The following CD209 variants were observed in gnomAD, a reference collection of about 807,000 sequenced individuals.
CD209 encodes CD209 antigen.
CD209 carries 31 observed loss-of-function variants against 44.7 expected under a neutral mutation model. That is an observed-to-expected ratio of 0.69 (90% CI 0.52 to 0.94). The LOEUF is 0.94. CD209 is among the 40% of genes least tolerant of loss of function. The pLI is 0.00. For synonymous variants in CD209, 173 were observed against 181.3 expected (o/e 0.95, Z 0.37); for missense variants, 407 against 452.4 (o/e 0.90, Z 0.91).
intron 4 of CD209, 137 bp downstream of exon 4, chr19:7,745,381 A>C: frequency 6.7e-7 from 1 of 1,498,048 alleles, no homozygotes. Flanking sequence ...GTGAACACTG[A>C]GGGCAATGAT....
chr19:7,740,097 G>C lies in CD209; in HGVS notation c.*2942C>G, dbSNP rs11465425. On this transcript the variant is annotated 3_prime_UTR_variant, in exon 7 of 7. Coordinates refer to ENST00000315599, the MANE Select transcript of CD209 (RefSeq NM_021155.4). ...GAGGCTGGGGCAGATTTTATATACA[G>C]AGGGTAGTGAGGCATGATATGATTG... 3.1e-5 allele frequency: 5 copies of C among 159,472 alleles called. No homozygotes were observed. Among genetic ancestry groups the C allele is most frequent in the African/African-American group, 1.2e-4 (5 of 41,558 alleles). The allele number at this position is 159,472 out of a possible 1,614,324, so 9.9% of individuals were successfully genotyped here. A position where few individuals can be genotyped will look rare whatever the true frequency, so the allele number is the denominator to read the frequency against.
chr19:7,745,957 C>G lies in CD209; in HGVS notation c.309G>C (p.Glu103Asp), dbSNP rs769520149. ...EKSKLQEIYQELTQLKAAVGE... is the reference protein window; with the variant it reads ...EKSKLQEIYQDLTQLKAAVGE... The stretch of plus-strand genomic sequence containing the variant: ...CCACTGCAGCCTTCAGCTGGGTCAG[C>G]TCCTGGTAGATCTCCTGCAGCTTGG... Residue 103 changes from glutamate (E) to aspartate (D), a missense_variant, in exon 4 of 7, where the codon GAG (glutamate) becomes GAC (aspartate). Physicochemically the swap from Glu to Asp is conservative, Grantham distance 45. Around this residue, in one of 3 missense-constraint regions of CD209, gnomAD observed 85 missense variants for 139.9 expected, o/e 0.61. Transcript: ENST00000315599. 1 of 1,614,046 alleles carries G rather than the reference C, an allele frequency of 6.2e-7. No individual in the cohort carries two copies. Among genetic ancestry groups the G allele is most frequent in the Admixed American group, 1.7e-5 (1 of 60,002 alleles).
rs2033720952 is a variant in CD209 at position 7,744,197 on chromosome 19, G to T, written c.923C>A (p.Ser308Tyr). The T allele has an allele frequency of 1.2e-6, 2 of 1,613,888 alleles. No homozygotes were observed. Among genetic ancestry groups the T allele is most frequent in the Non-Finnish European group, 1.7e-6 (2 of 1,179,904 alleles). The change falls in exon 6 of 7, where the codon TCC becomes TAC. Residue 308 changes from serine (S) to tyrosine (Y), a missense_variant. Physicochemically the swap from Ser to Tyr is moderately radical, Grantham distance 144. Transcript: ENST00000315599. ...EEQNFLQLQS[S>Y]RSNRFTWMGL... ...CATCCAGGTGAAGCGGTTACTTCTG[G>T]AAGACTGCAGCTGTAGGAAGTTCTG...
At chr19:7,744,851 C>G in intron 5 of CD209, 90 bp downstream of exon 5, 4 of 1,537,250 alleles carry the variant, frequency 2.6e-6, no homozygotes, top group Non-Finnish European at 3.5e-6. Flanking sequence ...GAGCAAAACC[C>G]CTCTTCTGCA....
At chr19:7,743,903 C>G (rs2033705826) in intron 6 of CD209, among the ~76,000 whole-genome samples, 1 of 148,706 alleles carries the variant, frequency 6.7e-6, no homozygotes, top group African/African-American at 2.6e-5. Flanking sequence ...GTGGCAGGCT[C>G]CTCCTGCAGC....
chr19:7,741,733 A>G lies in CD209; in HGVS notation c.*1306T>C, dbSNP rs2033621923. 9.7e-6 allele frequency: 6 copies of G among 620,434 alleles called. No individual in the cohort carries two copies. The highest frequency in any genetic ancestry group is 6.1e-6 in the Non-Finnish European group (2 of 328,842). The allele number at this position is 620,434 out of a possible 1,614,324, so 38.4% of individuals were successfully genotyped here. On this transcript the variant is annotated 3_prime_UTR_variant, in exon 7 of 7. Transcript: ENST00000315599. ...TTTGTGGTTTATTTGAAATACAACA[A>G]TGTCCAAGAGGAAAACACTGCAACT...
In CD209 at chr19:7,746,025, G is replaced by C; in HGVS notation, c.241C>G (p.Leu81Val). The C allele has an allele frequency of 6.2e-7, 1 of 1,614,272 alleles. No homozygotes were observed. Among genetic ancestry groups the C allele is most frequent in the Non-Finnish European group, 8.5e-7 (1 of 1,180,052 alleles). Reference sequence around the variant, plus strand: ...CCCACTGCAGCTTTAAGCTGGGTCAGGTTCTGGTAGATCGCGTCTTGCCTG... The same window carrying C: ...CCCACTGCAGCTTTAAGCTGGGTCACGTTCTGGTAGATCGCGTCTTGCCTG... ...QSRQDAIYQN[L>V]TQLKAAVGEL... is the part of the protein sequence containing the mutation. The change falls in exon 4 of 7, where the codon CTG becomes GTG. Residue 81 changes from leucine to valine, a missense_variant. By Grantham distance (32) the Leu-to-Val change is conservative. Around this residue, in one of 3 missense-constraint regions of CD209, gnomAD observed 122 missense variants for 110.3 expected, o/e 1.11. Coordinates refer to ENST00000315599, the MANE Select transcript of CD209 (RefSeq NM_021155.4).
At position 7,741,213 on chromosome 19, in the gene CD209, T is replaced by G. The variant is rs564574231; in HGVS notation, c.*1826A>C. 3.2e-4 allele frequency: 217 copies of G among 668,196 alleles called. No individual in the cohort carries two copies. Among genetic ancestry groups the G allele is most frequent in the Non-Finnish European group, 4.5e-4 (182 of 403,158 alleles). 41.4% of individuals were successfully genotyped at this position (668,196 alleles called of 1,614,324 possible). On this transcript the variant is annotated 3_prime_UTR_variant, in exon 7 of 7. Transcript: ENST00000315599. ...GAGACTGGGCGCGGTGGCTCAGGCC[T>G]GTAATCCCAGCACTTTGGGAGGACG... is the stretch of plus-strand genomic sequence containing the variant.
rs1192364404 is a variant in CD209, at chr19:7,740,618, A to G, written c.*2421T>C. 3.8e-6 allele frequency: 3 copies of G among 797,566 alleles called. No individual in the cohort carries two copies. Among genetic ancestry groups the G allele is most frequent in the South Asian group, 1.3e-5 (1 of 74,452 alleles). The allele number at this position is 797,566 out of a possible 1,614,324, so 49.4% of individuals were successfully genotyped here. The stretch of plus-strand genomic sequence containing the variant: ...AGGAGGACACTTTTATTGAAAAACA[A>G]CAACTAGAAAAGCTATGGGGAAGAG... On this transcript the variant is annotated 3_prime_UTR_variant, in exon 7 of 7. Coordinates refer to ENST00000315599, the MANE Select transcript of CD209 (RefSeq NM_021155.4).
At position 7,746,090 on chromosome 19, in the gene CD209, G is replaced by C. The variant is rs763367047; in HGVS notation, c.179-3C>G. On this transcript the variant is annotated splice_polypyrimidine_tract_variant and splice_region_variant and intron_variant, in intron 3 of 6. Transcript: ENST00000315599. Reference sequence around the variant, plus strand: ...TATGGAGCTGGGGACCTTGGACACTGGGCCAAGAAAAAAAAGGAACTGCAA... The same window carrying C: ...TATGGAGCTGGGGACCTTGGACACTCGGCCAAGAAAAAAAAGGAACTGCAA... The C allele has an allele frequency of 5.0e-6, 8 of 1,612,810 alleles. No homozygotes were observed. In the East Asian group the frequency reaches 1.6e-4, roughly 31 times the overall value.
Position 7,740,574 on chromosome 19 carries a change from T to C in CD209, c.*2465A>G. 1.1e-6 allele frequency: 1 copy of C among 889,130 alleles called. No homozygotes were observed. The highest frequency in any genetic ancestry group is 1.9e-6 in the Non-Finnish European group (1 of 520,326). 55.1% of individuals were successfully genotyped at this position (889,130 alleles called of 1,614,324 possible). ...GCAGGAACTTGCTCCACTGAGGGAC[T>C]CAGGACTCTCACAGAAAGAGGAGGA... On this transcript the variant is annotated 3_prime_UTR_variant, in exon 7 of 7. Coordinates refer to ENST00000315599, the MANE Select transcript of CD209 (RefSeq NM_021155.4).
At position 7,741,734 on chromosome 19, in the gene CD209, T is replaced by C. The variant is rs190284057; in HGVS notation, c.*1305A>G. On this transcript the variant is annotated 3_prime_UTR_variant, in exon 7 of 7. Coordinates refer to ENST00000315599, the MANE Select transcript of CD209 (RefSeq NM_021155.4). ...TTGTGGTTTATTTGAAATACAACAA[T>C]GTCCAAGAGGAAAACACTGCAACTT... 73 of 614,624 alleles carry C rather than the reference T, an allele frequency of 1.2e-4. No individual in the cohort carries two copies. The Admixed American group carries it at 1.5e-3, about 12-fold the overall frequency. 38.1% of individuals were successfully genotyped at this position (614,624 alleles called of 1,614,324 possible). A position where few individuals can be genotyped will look rare whatever the true frequency, so the allele number is the denominator to read the frequency against.
At chr19:7,743,302 C>T in intron 6 of CD209, 62 bp from the exon 7 acceptor site, 6 of 1,429,204 alleles carry the variant, frequency 4.2e-6, no homozygotes, top group Non-Finnish European at 5.9e-6. Context: ...TGTGTTTCTA[C>T]CTTCTGTCAT....
In CD209 at chr19:7,744,876, C is replaced by T. The variant is rs1478740967; in HGVS notation, c.900+65G>A. 5 of 1,590,364 alleles carry T rather than the reference C, an allele frequency of 3.1e-6. No homozygotes were observed. In the South Asian group the frequency reaches 3.4e-5, roughly 11 times the overall value. On this transcript the variant is annotated intron_variant, in intron 5 of 6. Coordinates refer to ENST00000315599, the MANE Select transcript of CD209 (RefSeq NM_021155.4). Reference sequence around the variant, plus strand: ...CCTCTTCTGCAAAGTCATCTCTGAGCACCTCCTCCCCAGTTGGCCAGAAGC... The same window carrying T: ...CCTCTTCTGCAAAGTCATCTCTGAGTACCTCCTCCCCAGTTGGCCAGAAGC...
intron 6 of CD209, 28 bp from the exon 7 acceptor site, chr19:7,743,268 T>A (rs568970102): frequency 7.1e-5 from 113 of 1,589,970 alleles, no homozygotes; most frequent in Non-Finnish European, 9.0e-5. Context: ...AATGTGAGCC[T>A]CTGTCCCCGC....
intron 1 of CD209, 49 bp downstream of exon 1, chr19:7,747,417 G>A (rs1298525678): frequency 1.9e-6 from 3 of 1,614,206 alleles, no homozygotes; most frequent in Non-Finnish European, 2.5e-6. Context: ...GCCATGGCTG[G>A]CCATCCCTTC....
At position 7,742,989 on chromosome 19, in the gene CD209, G is replaced by A. The variant is rs528884293; in HGVS notation, c.*50C>T. The A allele has an allele frequency of 4.1e-5, 57 of 1,403,144 alleles. No individual in the cohort carries two copies. Among genetic ancestry groups the A allele is most frequent in the Non-Finnish European group, 5.4e-5 (53 of 990,646 alleles). 86.9% of individuals were successfully genotyped at this position (1,403,144 alleles called of 1,614,324 possible). A position where few individuals can be genotyped will look rare whatever the true frequency, so the allele number is the denominator to read the frequency against. Reference sequence around the variant, plus strand: ...GAACAGTCCCAGAGATTTTGTGAAGGTCGAAGGATGGAGAGAAGGAACTGT... The same window carrying A: ...GAACAGTCCCAGAGATTTTGTGAAGATCGAAGGATGGAGAGAAGGAACTGT... On this transcript the variant is annotated 3_prime_UTR_variant, in exon 7 of 7. Coordinates refer to ENST00000315599, the MANE Select transcript of CD209 (RefSeq NM_021155.4).
chr19:7,742,136 TC>T lies in CD209; in HGVS notation c.*902del. 4.4e-6 allele frequency: 1 copy of T among 226,784 alleles called. No individual in the cohort carries two copies. Among genetic ancestry groups the T allele is most frequent in the Non-Finnish European group, 9.7e-6 (1 of 102,666 alleles). The allele number at this position is 226,784 out of a possible 1,614,324, so 14.0% of individuals were successfully genotyped here. A position where few individuals can be genotyped will look rare whatever the true frequency, so the allele number is the denominator to read the frequency against. Reference sequence around the variant, plus strand: ...AGACAGAACTGTTCAGAGTCCCAAATCCCAATAAACCTGTTTTATTCTTACA... The same window carrying T: ...AGACAGAACTGTTCAGAGTCCCAAATCCAATAAACCTGTTTTATTCTTACA... On this transcript the variant is annotated 3_prime_UTR_variant, in exon 7 of 7. Coordinates refer to ENST00000315599, the MANE Select transcript of CD209 (RefSeq NM_021155.4).
In CD209 at chr19:7,745,903, C is replaced by T; in HGVS notation, c.363G>A (p.Gln121=). 1 of 1,613,844 alleles carries T rather than the reference C, an allele frequency of 6.2e-7. No individual in the cohort carries two copies. Residue 121 remains glutamine (Q), a synonymous_variant, in exon 4 of 7, where the codon CAG becomes CAA. Transcript: ENST00000315599. ...GCCGGGTCAGCTCCTGGTAGATCTC[C>T]TGCAGCTTAGATTTCTCTGGAAGCT... The part of the protein sequence containing the change: ...VGELPEKSKL[Q]EIYQELTRLK...
Sources: gnomAD v4.1 joint callset for allele counts (sites outside exome capture counted in the v4.1 genomes callset) on GRCh38, gnomAD v4.1.1 for gene constraint, gnomAD v4.1.1 regional missense constraint, MANE v1.5 for transcripts, NCBI Gene and HGNC (gene_info 2026-07-23, HGNC 2026-07-21) for gene names.